Variants in TEX11 observed in about 807,000 individuals in gnomAD.
TEX11 encodes the protein testis-expressed protein 11.
Under a neutral mutation model 84.4 loss-of-function variants are expected in TEX11, and 7 were observed. The ratio of observed to expected loss-of-function variants is 0.08; its 90% CI spans 0.05 to 0.16. The LOEUF (loss-of-function observed/expected upper bound fraction) is 0.16, where lower values mean the gene tolerates loss of function less well. Among genes scored for constraint, TEX11 ranks in the 10% least tolerant of loss-of-function variants. TEX11 has a pLI of 1.00. For missense variants in TEX11, 551 were observed against 660.5 expected (o/e 0.83, Z 1.82); for synonymous variants, 264 against 222.8 (o/e 1.18, Z -1.64).
intron 17 of TEX11, among the ~76,000 whole-genome samples, chrX:70,645,081 C>T (rs941897742): frequency 2.8e-5 from 3 of 109,060 alleles, no homozygotes; most frequent in South Asian, 3.9e-4. Flanking sequence ...CATATAAAAC[C>T]GAGATGGAAT....
chrX:70,723,907 A>G (rs937918748), intron 12 of TEX11, among the ~76,000 whole-genome samples: 2 of 111,869 alleles, frequency 1.8e-5, no homozygotes, highest in African/African-American at 3.2e-5. Context: ...TATTCTTTCA[A>G]TGCAAAATCT....
rs766951574 is a variant in TEX11, at chrX:70,873,875, A to G, written c.160-568T>C. On this transcript the variant is annotated intron_variant, in intron 3 of 29. Transcript: ENST00000374333. Reference sequence around the variant, plus strand: ...GAGCTTCAGTTTAAACAGATGATTTATTTAACATGTGATATAGTTTGGATA... The same window carrying G: ...GAGCTTCAGTTTAAACAGATGATTTGTTTAACATGTGATATAGTTTGGATA... Among the ~76,000 whole-genome samples the G allele has an allele frequency of 2.7e-5, 3 of 111,714 alleles. No individual in the cohort carries two copies. The East Asian group carries it at 8.4e-4, about 31-fold the overall frequency.
intron 3 of TEX11, among the ~76,000 whole-genome samples, chrX:70,878,849 T>C (rs778251549): frequency 1.8e-5 from 2 of 111,132 alleles, no homozygotes; most frequent in Non-Finnish European, 3.8e-5. Flanking sequence ...TTATTCATAA[T>C]AGCCAAAAGG....
Position 70,670,429 on chromosome X carries a change from T to C in TEX11, c.1328A>G (p.Lys443Arg). ...STDEMDLDFT[K>R]LQRNMACCYL... ...ACAGCAAGCCATGTTCCTCTGCAGC[T>C]TGGTGAAGTCCAGATCCATTTCATC... Residue 443 changes from lysine to arginine, a missense_variant, in exon 16 of 30, where the codon AAG (lysine) becomes AGG (arginine). Lys to Arg is a conservative substitution (Grantham distance 26). Transcript: ENST00000374333. 1.7e-6 allele frequency: 2 copies of C among 1,210,710 alleles called. No individual in the cohort carries two copies. The highest frequency in any genetic ancestry group is 2.2e-6 in the Non-Finnish European group (2 of 895,029).
rs181519710 is a variant in TEX11, at chrX:70,708,137, G to A, written c.1004+14481C>T. Among the ~76,000 whole-genome samples the A allele has an allele frequency of 3.5e-3, 387 of 110,624 alleles. 3 individuals carry two copies. The highest frequency in any genetic ancestry group is 0.012 in the African/African-American group (367 of 30,586). On this transcript the variant is annotated intron_variant, in intron 13 of 29. Coordinates refer to ENST00000374333, the MANE Select transcript of TEX11 (RefSeq NM_031276.3). ...ATAGCCTCATTAAAAAATGGGCAAA[G>A]GACATGAACAGACGCTTCTCAAAAG...
At chrX:70,519,111 C>T in the TEX11 span, among the ~76,000 whole-genome samples, 1 of 111,826 alleles carries the variant, frequency 8.9e-6, no homozygotes, top group African/African-American at 3.2e-5. Flanking sequence ...AGCCCATTTA[C>T]ATTTAAAGTT....
At chrX:70,854,822 A>C (rs1478956585) in intron 5 of TEX11, among the ~76,000 whole-genome samples, 1 of 108,269 alleles carries the variant, frequency 9.2e-6, no homozygotes, top group Non-Finnish European at 1.9e-5. Flanking sequence ...GAGGTGGACG[A>C]ATTTCTTAAG....
intron 25 of TEX11, among the ~76,000 whole-genome samples, chrX:70,579,292 T>C (rs1404688131): frequency 9.7e-6 from 1 of 102,834 alleles, no homozygotes; most frequent in Non-Finnish European, 2.0e-5. Context: ...ATCGAGACCA[T>C]CCTGGCTAAC....
At chrX:70,526,158 A>T (rs753729458), downstream of TEX11, among the ~76,000 whole-genome samples, 1 of 111,586 alleles carries the variant, frequency 9.0e-6, no homozygotes, top group Non-Finnish European at 1.9e-5. Context: ...ATACAGAGAG[A>T]ATGAGCCAAT....
intron 9 of TEX11, among the ~76,000 whole-genome samples, chrX:70,802,640 G>A (rs1436554217): frequency 9.0e-6 from 1 of 111,254 alleles, no homozygotes; most frequent in Non-Finnish European, 1.9e-5. Context: ...CTGTAGGTCA[G>A]CAGTGCCAAG....
chrX:70,707,083 A>G (rs1000251286), intron 13 of TEX11, among the ~76,000 whole-genome samples: 1 of 110,762 alleles, frequency 9.0e-6, no homozygotes, highest in Non-Finnish European at 1.9e-5. Context: ...TGTTGTCCCC[A>G]TATCTACTTA....
In TEX11 at chrX:70,641,849, G is replaced by A. The variant is rs1350170574; in HGVS notation, c.1483+9601C>T. On this transcript the variant is annotated intron_variant, in intron 17 of 29. Coordinates refer to ENST00000374333, the MANE Select transcript of TEX11 (RefSeq NM_031276.3). The stretch of plus-strand genomic sequence containing the variant: ...CCAAAATTGACACCCTAACATCACA[G>A]TTAAAAGAACTAGAAAAGCAAGAGC... Among the ~76,000 whole-genome samples, 37 of 110,781 alleles carry A rather than the reference G, an allele frequency of 3.3e-4. 1 individual carries two copies. Among genetic ancestry groups the A allele is most frequent in the African/African-American group, 9.9e-4 (30 of 30,453 alleles).
chrX:70,797,651 G>A (rs1303026314), intron 9 of TEX11, among the ~76,000 whole-genome samples: 1 of 107,050 alleles, frequency 9.3e-6, no homozygotes, highest in Admixed American at 1.0e-4. Flanking sequence ...AATACAGCAC[G>A]ATCAACTAGG....
intron 13 of TEX11, among the ~76,000 whole-genome samples, chrX:70,717,854 C>A (rs2090520792): frequency 8.9e-6 from 1 of 111,890 alleles, no homozygotes; most frequent in African/African-American, 3.2e-5. Flanking sequence ...TTATCATTAA[C>A]CGAACGATGG....
chrX:70,521,105 G>T, the TEX11 span, among the ~76,000 whole-genome samples: 3 of 111,143 alleles, frequency 2.7e-5, no homozygotes, highest in East Asian at 8.5e-4. Context: ...GTGAGGTGAT[G>T]TCCCGCCCTG....
chrX:70,756,057 C>T (rs1436800458), intron 9 of TEX11, among the ~76,000 whole-genome samples: 1 of 111,967 alleles, frequency 8.9e-6, no homozygotes, highest in East Asian at 2.8e-4. Flanking sequence ...GTTGCCATTG[C>T]TGAGGCTTGA....
intron 24 of TEX11, among the ~76,000 whole-genome samples, chrX:70,595,912 A>G (rs934605684): frequency 5.4e-5 from 6 of 111,152 alleles, no homozygotes; most frequent in Non-Finnish European, 1.1e-4. Flanking sequence ...AGAGACAAAT[A>G]AATAGGTTGA....
chrX:70,688,055 G>A (rs1353784452), intron 13 of TEX11, among the ~76,000 whole-genome samples: 1 of 110,976 alleles, frequency 9.0e-6, no homozygotes, highest in Non-Finnish European at 1.9e-5. Context: ...GGAGAAGAAA[G>A]GTAGGGCAGA....
chrX:70,511,439 G>T, the TEX11 span, among the ~76,000 whole-genome samples: 10 of 111,647 alleles, frequency 9.0e-5, no homozygotes, highest in Admixed American at 9.5e-5. Flanking sequence ...TGCTGTTAAT[G>T]AAAATTGTGG....
Sources: gnomAD v4.1 joint callset for allele counts (sites outside exome capture counted in the v4.1 genomes callset) on GRCh38, gnomAD v4.1.1 for gene constraint, MANE v1.5 for transcripts, NCBI Gene and HGNC (gene_info 2026-07-23, HGNC 2026-07-21) for gene names.